Variants in WDFY3 observed in about 807,000 individuals in gnomAD.
The protein encoded by WDFY3 is WD repeat and FYVE domain-containing protein 3.
In WDFY3, 66 loss-of-function variants were observed where a neutral mutation model predicts 409.6. That is an observed-to-expected ratio of 0.16 (90% CI 0.13 to 0.20). The LOEUF (loss-of-function observed/expected upper bound fraction) is 0.20. Among genes scored for constraint, WDFY3 ranks in the 10% least tolerant of loss-of-function variants. WDFY3 has a pLI of 1.00. For synonymous variants in WDFY3, 1,521 were observed against 1,537.1 expected (o/e 0.99, Z 0.25); for missense variants, 3,031 against 4,298.1 (o/e 0.71, Z 8.24).
At chr4:84,725,790 G>C (rs1735559170) in intron 45 of WDFY3, among the ~76,000 whole-genome samples, 1 of 151,994 alleles carries the variant, frequency 6.6e-6, no homozygotes. Flanking sequence ...TCCAACTAAA[G>C]TGGAAAACAA....
chr4:84,746,587 G>A (rs146424489), intron 36 of WDFY3, among the ~76,000 whole-genome samples: 102 of 152,132 alleles, frequency 6.7e-4, no homozygotes, highest in African/African-American at 2.3e-3. Context: ...CACGAATGAT[G>A]AGGACCCAGA....
chr4:84,692,974 G>C lies in WDFY3; in HGVS notation c.8960C>G (p.Ala2987Gly), dbSNP rs1316236660. 22 of 1,613,222 alleles carry C rather than the reference G, an allele frequency of 1.4e-5. No individual in the cohort carries two copies. Among genetic ancestry groups the C allele is most frequent in the Non-Finnish European group, 1.9e-5 (22 of 1,179,886 alleles). ...AGATCCTGGTAGGACAGAGATTCCTGCATTGTCTCCATTGAGTCGACTTCT... is the reference window on the plus strand; with the variant it reads ...AGATCCTGGTAGGACAGAGATTCCTCCATTGTCTCCATTGAGTCGACTTCT... ...RVRSRLNGDN[A>G]GISVLPGSTS... Residue 2987 changes from alanine to glycine, a missense_variant, in exon 59 of 68, where the codon GCA (alanine) becomes GGA (glycine). Physicochemically the swap from Ala to Gly is moderately conservative, Grantham distance 60. Around this residue, in one of 16 missense-constraint regions of WDFY3, gnomAD observed 152 missense variants for 193.5 expected, o/e 0.79. Coordinates refer to ENST00000295888, the MANE Select transcript of WDFY3 (RefSeq NM_014991.6).
intron 67 of WDFY3, among the ~76,000 whole-genome samples, chr4:84,676,494 C>G (rs1238558966): frequency 6.6e-6 from 1 of 151,732 alleles, no homozygotes; most frequent in Non-Finnish European, 1.5e-5. Context: ...AGTCTGTGTT[C>G]TATCAATTTC....
chr4:84,964,802 ATGACCCACTG>A (rs1452342721), intron 1 of WDFY3, among the ~76,000 whole-genome samples: 1 of 152,166 alleles, frequency 6.6e-6, no homozygotes, highest in East Asian at 1.9e-4. Context: ...AATGACAGGC[ATGACCCACTG>A]TGACCCACCA....
chr4:84,781,215 G>A (rs1280889218), intron 25 of WDFY3, among the ~76,000 whole-genome samples: 2 of 143,052 alleles, frequency 1.4e-5, no homozygotes, highest in East Asian at 3.9e-4. Flanking sequence ...CTGGAACTGT[G>A]TGCCAATTAA....
rs542404548 is a variant in WDFY3 at position 84,677,158 on chromosome 4, C to A, written c.10457+41G>T. 10 of 1,610,200 alleles carry A rather than the reference C, an allele frequency of 6.2e-6. No individual in the cohort carries two copies. The South Asian group carries it at 1.1e-4, about 18-fold the overall frequency. ...CAGGACATAATTAACAACCTTAGAG[C>A]TTAATCAATGTAAATTCAAAAAGCA... On this transcript the variant is annotated intron_variant, in intron 67 of 67. Coordinates refer to ENST00000295888, the MANE Select transcript of WDFY3 (RefSeq NM_014991.6).
chr4:84,919,531 A>G (rs1316678474), intron 2 of WDFY3, among the ~76,000 whole-genome samples: 1 of 152,138 alleles, frequency 6.6e-6, no homozygotes, highest in Non-Finnish European at 1.5e-5. Flanking sequence ...TTTGAATTGT[A>G]GTTCCCATAA....
intron 1 of WDFY3, among the ~76,000 whole-genome samples, chr4:84,947,204 G>A (rs1215440222): frequency 6.6e-6 from 1 of 151,706 alleles, no homozygotes; most frequent in Non-Finnish European, 1.5e-5. Flanking sequence ...AGGAGTCTAG[G>A]AAGAAGGTAT....
chr4:84,965,158 T>C (rs1206371671), intron 1 of WDFY3, among the ~76,000 whole-genome samples: 1 of 152,216 alleles, frequency 6.6e-6, no homozygotes, highest in Non-Finnish European at 1.5e-5. Flanking sequence ...TTACGTCGCC[T>C]GATAGTCGAA....
chr4:84,721,616 C>A (rs1483198397), intron 46 of WDFY3, 44 bp from the exon 47 acceptor site: 4 of 1,590,548 alleles, frequency 2.5e-6, no homozygotes, highest in Admixed American at 3.4e-5. Context: ...TTGTAAGGAC[C>A]TTGTGGGGAA....
intron 3 of WDFY3, among the ~76,000 whole-genome samples, chr4:84,889,899 A>G (rs2150496439): frequency 6.6e-6 from 1 of 152,320 alleles, no homozygotes; most frequent in South Asian, 2.1e-4. Context: ...CAATAAAAAA[A>G]GAGTATGTTC....
intron 4 of WDFY3, among the ~76,000 whole-genome samples, chr4:84,859,342 T>C (rs1029728118): frequency 2.0e-5 from 3 of 152,154 alleles, no homozygotes; most frequent in Non-Finnish European, 4.4e-5. Flanking sequence ...TATGTATGTA[T>C]GTATGTATGT....
At position 84,679,133 on chromosome 4, in the gene WDFY3, G is replaced by A. The variant is rs563429345; in HGVS notation, c.9933C>T (p.Pro3311=). ...PSQPSSTSHR[P]RAASCRATAA... Reference sequence around the variant, plus strand: ...CTGTTGCGCGGCAGGAGGCTGCCCGGGGCCTGTGGCTGGTGCTGCTGGGTT... The same window carrying A: ...CTGTTGCGCGGCAGGAGGCTGCCCGAGGCCTGTGGCTGGTGCTGCTGGGTT... Residue 3311 remains proline (P), a synonymous_variant, in exon 65 of 68, where the codon CCC becomes CCT. Transcript: ENST00000295888. 1 of 1,614,122 alleles carries A rather than the reference G, an allele frequency of 6.2e-7. No individual in the cohort carries two copies. The highest frequency in any genetic ancestry group is 1.1e-5 in the South Asian group (1 of 91,076).
At chr4:84,760,676 T>C (rs1742400603) in intron 32 of WDFY3, among the ~76,000 whole-genome samples, 1 of 151,750 alleles carries the variant, frequency 6.6e-6, no homozygotes, top group Admixed American at 6.6e-5. Context: ...TTTTATTGCA[T>C]CTATTTGATT....
At chr4:84,803,494 G>T (rs770948084) in intron 15 of WDFY3, 27 bp from the exon 16 acceptor site, 1 of 1,581,868 alleles carries the variant, frequency 6.3e-7, no homozygotes, top group East Asian at 2.2e-5. Context: ...AGTAAATTTG[G>T]TATTGAATTC....
At chr4:84,910,220 G>A (rs769152180) in intron 2 of WDFY3, among the ~76,000 whole-genome samples, 3 of 152,124 alleles carry the variant, frequency 2.0e-5, no homozygotes, top group South Asian at 2.1e-4. Flanking sequence ...AGGAGGATAC[G>A]CACAGGTTAT....
intron 63 of WDFY3, 195 bp from the exon 64 acceptor site, chr4:84,682,665 A>G (rs1578117348): frequency 3.5e-6 from 2 of 571,646 alleles, no homozygotes; most frequent in South Asian, 2.1e-5. Context: ...AAGTACAGGG[A>G]AAAAGATTAT....
chr4:84,953,508 T>C (rs972596875), intron 1 of WDFY3, among the ~76,000 whole-genome samples: 9 of 152,166 alleles, frequency 5.9e-5, no homozygotes, highest in African/African-American at 2.2e-4. Flanking sequence ...TTACTACTTA[T>C]GTTATCTCAT....
At chr4:84,711,936 A>G (rs1399634563) in intron 51 of WDFY3, among the ~76,000 whole-genome samples, 1 of 152,120 alleles carries the variant, frequency 6.6e-6, no homozygotes. Context: ...ATAAACTTGT[A>G]TAGTTTTTAT....
Sources: allele counts gnomAD v4.1 joint callset (sites outside exome capture counted in the v4.1 genomes callset), GRCh38; gene constraint gnomAD v4.1.1; regional missense constraint gnomAD v4.1.1; transcripts MANE v1.5; gene names NCBI Gene and HGNC (gene_info 2026-07-23, HGNC 2026-07-21).